The following WWOX variants were observed in gnomAD, a reference collection of about 807,000 sequenced individuals.
The protein encoded by WWOX is WW domain-containing oxidoreductase.
In WWOX, 69 loss-of-function variants were observed where a neutral mutation model predicts 46.2. The ratio of observed to expected loss-of-function variants is 1.49; its 90% CI spans 1.23 to 1.82. The LOEUF is 1.82. WWOX is among the 40% of genes most tolerant of loss of function. The probability of loss-of-function intolerance (pLI) is 0.00; values close to 1 mark genes in which losing one functional copy is unlikely to be tolerated. For missense variants in WWOX, 919 were observed against 542.6 expected, an observed-to-expected ratio of 1.69 and a Z score of -6.89; for synonymous variants, 359 against 202.6, an observed-to-expected ratio of 1.77 and a Z score of -6.56.
intron 8 of WWOX, among the ~76,000 whole-genome samples, chr16:79,149,778 C>T (rs927070858): frequency 3.3e-5 from 5 of 152,214 alleles, no homozygotes; most frequent in Non-Finnish European, 5.9e-5. Flanking sequence ...TCTGGCCTCA[C>T]GTTGCTTGGT....
rs547172835 is a variant in WWOX, at chr16:78,605,373, A to T, written c.1056+172621A>T. On this transcript the variant is annotated intron_variant, in intron 8 of 8. Transcript: ENST00000566780. Reference sequence around the variant, plus strand: ...CTTCTTAAGTCCTTAAAAAAAAAAAAATCCAGGTGCAAAACACAAAGACAG... The same window carrying T: ...CTTCTTAAGTCCTTAAAAAAAAAAATATCCAGGTGCAAAACACAAAGACAG... 7.8e-4 allele frequency among the ~76,000 whole-genome samples: 118 copies of T among 152,082 alleles called. 1 individual carries two copies. The highest frequency in any genetic ancestry group is 2.7e-3 in the African/African-American group (114 of 41,520).
intron 5 of WWOX, among the ~76,000 whole-genome samples, chr16:78,299,304 C>T (rs998666459): frequency 8.5e-5 from 13 of 152,188 alleles, no homozygotes; most frequent in African/African-American, 2.6e-4. Flanking sequence ...CCGTGCCTGG[C>T]CACTTCTCAC....
At chr16:78,200,431 A>T (rs1263664955) in intron 5 of WWOX, among the ~76,000 whole-genome samples, 1 of 150,658 alleles carries the variant, frequency 6.6e-6, no homozygotes, top group East Asian at 1.9e-4. Flanking sequence ...TTTGGTTTAG[A>T]TGTCTGATTT....
At chr16:78,399,330 A>G (rs2082359567) in intron 6 of WWOX, among the ~76,000 whole-genome samples, 1 of 152,002 alleles carries the variant, frequency 6.6e-6, no homozygotes, top group Non-Finnish European at 1.5e-5. Context: ...GATCTTGGGA[A>G]ACAACTTCTA....
At chr16:78,814,152 G>T (rs756726634) in intron 8 of WWOX, among the ~76,000 whole-genome samples, 1 of 152,124 alleles carries the variant, frequency 6.6e-6, no homozygotes, top group African/African-American at 2.4e-5. Context: ...AGATCCTCCC[G>T]CTGCCGGCAA....
At chr16:78,377,179 G>T (rs1459659412) in intron 5 of WWOX, among the ~76,000 whole-genome samples, 1 of 152,192 alleles carries the variant, frequency 6.6e-6, no homozygotes, top group East Asian at 1.9e-4. Flanking sequence ...ATGTAATTAT[G>T]CAGTAAATTA....
At chr16:78,152,053 G>A (rs954422992) in intron 4 of WWOX, among the ~76,000 whole-genome samples, 12 of 152,290 alleles carry the variant, frequency 7.9e-5, no homozygotes, top group East Asian at 7.8e-4. Flanking sequence ...AGCCGGGTGT[G>A]GTGGCGGGCG....
chr16:78,112,239 G>C (rs1234350221), intron 3 of WWOX, among the ~76,000 whole-genome samples: 1 of 152,102 alleles, frequency 6.6e-6, no homozygotes, highest in African/African-American at 2.4e-5. Context: ...TATTTTTCTA[G>C]CATTTTCACT....
chr16:78,126,605 A>C (rs143437251), intron 4 of WWOX, among the ~76,000 whole-genome samples: 21 of 152,306 alleles, frequency 1.4e-4, no homozygotes, highest in African/African-American at 4.8e-4. Context: ...TAATTTATAA[A>C]GTGTCTATTA....
At chr16:78,704,858 T>C (rs999990857) in intron 8 of WWOX, among the ~76,000 whole-genome samples, 1 of 151,974 alleles carries the variant, frequency 6.6e-6, no homozygotes, top group Admixed American at 6.6e-5. Context: ...TGGCTTCTTT[T>C]GTGGGCCACC....
rs369757408 is a variant in WWOX at position 78,901,529 on chromosome 16, C to A, written c.1057-310079C>A. Among the ~76,000 whole-genome samples, 12 of 152,242 alleles carry A rather than the reference C, an allele frequency of 7.9e-5. No homozygotes were observed. In the South Asian group the frequency reaches 2.3e-3, roughly 29 times the overall value. On this transcript the variant is annotated intron_variant, in intron 8 of 8. Transcript: ENST00000566780. ...GTGAGACAGGATCTCCCTCTGTTGC[C>A]CAGGCTCGAGTACATTGGTAGGATC...
intron 5 of WWOX, among the ~76,000 whole-genome samples, chr16:78,355,236 CTGTGTG>C (rs36043809): frequency 6.6e-6 from 1 of 151,508 alleles, no homozygotes; most frequent in African/African-American, 2.4e-5. Flanking sequence ...GTCATTGCTC[CTGTGTG>C]TGTGTGTGTC....
At chr16:79,134,387 C>T (rs1352985570) in intron 8 of WWOX, among the ~76,000 whole-genome samples, 2 of 151,992 alleles carry the variant, frequency 1.3e-5, no homozygotes, top group East Asian at 3.9e-4. Flanking sequence ...GGCAGCCCAG[C>T]ATGGAAGGGG....
intron 8 of WWOX, among the ~76,000 whole-genome samples, chr16:79,188,422 T>C (rs2051063141): frequency 6.6e-6 from 1 of 152,236 alleles, no homozygotes; most frequent in Admixed American, 6.5e-5. Context: ...TCTTAGATAC[T>C]TTACATTTCC....
intron 8 of WWOX, among the ~76,000 whole-genome samples, chr16:78,750,775 C>G (rs1286424775): frequency 6.6e-6 from 1 of 152,118 alleles, no homozygotes; most frequent in African/African-American, 2.4e-5. Flanking sequence ...TTTATTCGCT[C>G]AGGATAATGG....
intron 4 of WWOX, among the ~76,000 whole-genome samples, chr16:78,115,570 C>G (rs1383143178): frequency 2.0e-5 from 3 of 152,230 alleles, no homozygotes; most frequent in Non-Finnish European, 4.4e-5. Context: ...CAGGTTTCGA[C>G]TGGTCACTGA....
At chr16:78,463,181 G>A (rs9673583) in intron 8 of WWOX, among the ~76,000 whole-genome samples, 5,063 of 152,260 alleles carry the variant, frequency 0.033, 285 homozygotes, top group African/African-American at 0.11. Context: ...AAATAAACAG[G>A]CAGCACTGAG....
At chr16:78,709,238 G>T (rs2142317600) in intron 8 of WWOX, among the ~76,000 whole-genome samples, 2 of 152,320 alleles carry the variant, frequency 1.3e-5, no homozygotes, top group Middle Eastern at 6.8e-3. Context: ...TTAACACAAT[G>T]CTTTTATCCC....
At chr16:78,404,020 C>T (rs191467474) in intron 6 of WWOX, among the ~76,000 whole-genome samples, 1 of 152,192 alleles carries the variant, frequency 6.6e-6, no homozygotes, top group African/African-American at 2.4e-5. Context: ...AAGAGCAACT[C>T]CACCTAGCAG....
Sources: allele counts gnomAD v4.1 joint callset (sites outside exome capture counted in the v4.1 genomes callset), GRCh38; gene constraint gnomAD v4.1.1; transcripts MANE v1.5; gene names NCBI Gene and HGNC (gene_info 2026-07-23, HGNC 2026-07-21).